Variants in SH3D19 observed in about 807,000 individuals in gnomAD.
The protein encoded by SH3D19 is SH3 domain containing 19.
SH3D19 carries 58 observed loss-of-function variants against 112.1 expected under a neutral mutation model. That is an observed-to-expected ratio of 0.52 (90% confidence interval 0.42 to 0.64). SH3D19 has a LOEUF of 0.64. SH3D19 is among the 30% of genes least tolerant of loss of function. The pLI is 0.00. For missense variants in SH3D19, 1,090 were observed against 1,263.4 expected, an observed-to-expected ratio of 0.86 and a Z score of 2.08; for synonymous variants, 391 against 448.5, an observed-to-expected ratio of 0.87 and a Z score of 1.62.
At chr4:151,150,364 C>T (rs1754835004) in intron 9 of SH3D19, among the ~76,000 whole-genome samples, 1 of 146,158 alleles carries the variant, frequency 6.8e-6, no homozygotes, top group East Asian at 2.0e-4. Context: ...TATACATGCT[C>T]TTTATTCATT....
chr4:151,171,829 G>T (rs1215359169), intron 7 of SH3D19, among the ~76,000 whole-genome samples: 1 of 152,076 alleles, frequency 6.6e-6, no homozygotes, highest in Non-Finnish European at 1.5e-5. Context: ...TTGACAACTG[G>T]GTATGATTTG....
In SH3D19 at chr4:151,122,065, C is replaced by A; in HGVS notation, c.*26G>T. ...GTGATAGTTCAAGTGAGTTCTTGTG[C>A]CAAGGAACACAGACAAGCTTCTCCT... On this transcript the variant is annotated 3_prime_UTR_variant, in exon 20 of 20. Coordinates refer to ENST00000604030, the MANE Select transcript of SH3D19 (RefSeq NM_001378122.1). 8.4e-7 allele frequency: 1 copy of A among 1,192,294 alleles called. No individual in the cohort carries two copies. Among genetic ancestry groups the A allele is most frequent in the Non-Finnish European group, 1.2e-6 (1 of 805,464 alleles). The allele number at this position is 1,192,294 out of a possible 1,614,324, so 73.9% of individuals were successfully genotyped here. A position where few individuals can be genotyped will look rare whatever the true frequency, so the allele number is the denominator to read the frequency against.
At chr4:151,237,849 T>C (rs1770250095) in intron 1 of SH3D19, among the ~76,000 whole-genome samples, 1 of 152,194 alleles carries the variant, frequency 6.6e-6, no homozygotes, top group Admixed American at 6.5e-5. Context: ...TTTTCTTTTT[T>C]ATTACTGGTC....
intron 12 of SH3D19, 157 bp from the exon 13 acceptor site, chr4:151,140,004 A>C (rs1752701363): frequency 1.8e-6 from 1 of 553,046 alleles, no homozygotes; most frequent in Non-Finnish European, 3.2e-6. Context: ...CAAACAAGGG[A>C]ATTATTATCA....
At chr4:151,212,456 G>A (rs1580185191) in intron 2 of SH3D19, among the ~76,000 whole-genome samples, 1 of 152,170 alleles carries the variant, frequency 6.6e-6, no homozygotes, top group African/African-American at 2.4e-5. Flanking sequence ...TTACCATGTT[G>A]AAACTCCTAG....
intron 3 of SH3D19, chr4:151,181,726 A>T (rs1343232308): frequency 6.6e-6 from 1 of 152,184 alleles, no homozygotes; most frequent in Admixed American, 6.5e-5. Flanking sequence ...ACTATTCATG[A>T]GTGCTAAGGG....
At chr4:151,155,934 C>A (rs1378824106) in intron 9 of SH3D19, among the ~76,000 whole-genome samples, 1 of 151,720 alleles carries the variant, frequency 6.6e-6, no homozygotes. Context: ...AAGACTCTAC[C>A]AAAAAAACCC....
intron 1 of SH3D19, among the ~76,000 whole-genome samples, chr4:151,287,149 T>A (rs1470584179): frequency 6.6e-6 from 1 of 151,750 alleles, no homozygotes; most frequent in East Asian, 1.9e-4. Context: ...GGGACCAGCC[T>A]GGCCTACATG....
chr4:151,149,727 T>C (rs1561233676), intron 9 of SH3D19, among the ~76,000 whole-genome samples, 166 bp from the exon 10 acceptor site: 1 of 152,198 alleles, frequency 6.6e-6, no homozygotes, highest in Non-Finnish European at 1.5e-5. Context: ...AACCTATTTC[T>C]GCCTAAATTA....
chr4:151,218,755 A>G (rs1561364982), intron 2 of SH3D19, among the ~76,000 whole-genome samples: 1 of 152,208 alleles, frequency 6.6e-6, no homozygotes, highest in Non-Finnish European at 1.5e-5. Flanking sequence ...TTATACTTTT[A>G]GTACCTATAC....
chr4:151,256,999 T>G (rs1771978180), intron 1 of SH3D19, among the ~76,000 whole-genome samples: 1 of 152,138 alleles, frequency 6.6e-6, no homozygotes, highest in Non-Finnish European at 1.5e-5. Context: ...GCCTCAGCCT[T>G]GGGTTGAGAT....
At chr4:151,311,711 G>A (rs1239982245) in intron 1 of SH3D19, among the ~76,000 whole-genome samples, 2 of 152,104 alleles carry the variant, frequency 1.3e-5, no homozygotes, top group East Asian at 3.9e-4. Context: ...AGCAGGGCAT[G>A]TCCCTGCAGT....
chr4:151,249,687 A>G (rs1163954240), intron 1 of SH3D19, among the ~76,000 whole-genome samples: 5 of 152,122 alleles, frequency 3.3e-5, no homozygotes, highest in African/African-American at 1.2e-4. Flanking sequence ...TAGAAACAAC[A>G]TTTTCAGGAA....
intron 1 of SH3D19, among the ~76,000 whole-genome samples, chr4:151,239,997 T>G (rs12500223): frequency 0.79 from 120,467 of 152,084 alleles, 49,979 homozygotes; most frequent in Non-Finnish European, 0.93. Flanking sequence ...CAGGTGCCAT[T>G]GTTCACACTG....
intron 3 of SH3D19, among the ~76,000 whole-genome samples, chr4:151,184,959 G>A (rs1761513021): frequency 6.7e-6 from 1 of 150,316 alleles, no homozygotes; most frequent in South Asian, 2.1e-4. Flanking sequence ...GCTTGGCCTG[G>A]TTTAGTATTA....
At chr4:151,204,119 G>C (rs1397338343) in intron 2 of SH3D19, among the ~76,000 whole-genome samples, 1 of 151,956 alleles carries the variant, frequency 6.6e-6, no homozygotes, top group Non-Finnish European at 1.5e-5. Flanking sequence ...TGTTTTATTT[G>C]TAAGAGGTTT....
intron 1 of SH3D19, among the ~76,000 whole-genome samples, chr4:151,276,491 TA>T (rs1329227272): frequency 2.0e-5 from 3 of 152,136 alleles, no homozygotes; most frequent in Non-Finnish European, 4.4e-5. Context: ...TGCAGACCCC[TA>T]AGAACGCATC....
chr4:151,234,328 T>G (rs1197532514), intron 1 of SH3D19, among the ~76,000 whole-genome samples: 1 of 152,148 alleles, frequency 6.6e-6, no homozygotes, highest in South Asian at 2.1e-4. Context: ...TGATTTGGGG[T>G]TCTTATGTTA....
chr4:151,194,866 G>A (rs553190989), intron 2 of SH3D19, among the ~76,000 whole-genome samples: 1 of 149,898 alleles, frequency 6.7e-6, no homozygotes, highest in East Asian at 2.0e-4. Context: ...CAGGTGGATC[G>A]CCACAGGTCA....
Sources: allele counts gnomAD v4.1 joint callset (sites outside exome capture counted in the v4.1 genomes callset), GRCh38; gene constraint gnomAD v4.1.1; transcripts MANE v1.5; gene names NCBI Gene and HGNC (gene_info 2026-07-23, HGNC 2026-07-21).